Variants in GALNT17 observed in about 807,000 individuals in gnomAD.
The protein encoded by GALNT17 is UDP-GalNAc:polypeptide N-acetylgalactosaminyltransferase-like 3.
In GALNT17, 29 loss-of-function variants were observed where a neutral mutation model predicts 63.7. The observed-to-expected ratio is 0.46, with a 90% confidence interval of 0.34 to 0.62. The LOEUF is 0.62. GALNT17 is among the 20% of genes least tolerant of loss of function. The probability of loss-of-function intolerance (pLI) is 0.01; values close to 1 mark genes in which losing one functional copy is unlikely to be tolerated. For missense variants in GALNT17, 603 were observed against 799.6 expected, an observed-to-expected ratio of 0.75 and a Z score of 2.97; for synonymous variants, 305 against 318.3, an observed-to-expected ratio of 0.96 and a Z score of 0.45.
intron 5 of GALNT17, among the ~76,000 whole-genome samples, chr7:71,533,586 C>T (rs992693679): frequency 1.3e-5 from 2 of 152,146 alleles, no homozygotes; most frequent in Non-Finnish European, 2.9e-5. Flanking sequence ...TGGAAGCTTC[C>T]TTCATGGAAT....
intron 5 of GALNT17, among the ~76,000 whole-genome samples, chr7:71,568,852 G>A (rs567867665): frequency 1.3e-5 from 2 of 152,272 alleles, no homozygotes; most frequent in East Asian, 3.9e-4. Context: ...AATTTACAAT[G>A]CATGGTCCCA....
intron 5 of GALNT17, among the ~76,000 whole-genome samples, chr7:71,569,332 A>G (rs62461661): frequency 0.026 from 3,938 of 152,214 alleles, 65 homozygotes; most frequent in Middle Eastern, 0.085. Flanking sequence ...TTACATGGGT[A>G]TATTGAGTGA....
intron 6 of GALNT17, among the ~76,000 whole-genome samples, chr7:71,614,881 AAGGGAGGGAGGG>A (rs557178612): frequency 1.8e-4 from 22 of 125,394 alleles, no homozygotes; most frequent in Admixed American, 3.3e-4. Flanking sequence ...ACAGGGAGGG[AAGGGAGGGAGGG>A]AGGGAGGGAG....
chr7:71,141,992 G>A (rs1178246374), intron 1 of GALNT17, among the ~76,000 whole-genome samples: 1 of 147,300 alleles, frequency 6.8e-6, no homozygotes, highest in Non-Finnish European at 1.5e-5. Context: ...GGGATTTCAG[G>A]CATGAGCCAC....
chr7:71,184,942 T>TA (rs1788809923), intron 1 of GALNT17, among the ~76,000 whole-genome samples: 4 of 16,376 alleles, frequency 2.4e-4, no homozygotes, highest in Middle Eastern at 0.038. Flanking sequence ...CTTCCTCACT[T>TA]CCTTCCTTCC....
At position 71,375,897 on chromosome 7, in the gene GALNT17, G is replaced by A. The variant is rs530728520; in HGVS notation, c.423-12338G>A. Among the ~76,000 whole-genome samples the A allele has an allele frequency of 2.6e-5, 4 of 152,252 alleles. No homozygotes were observed. In the East Asian group the frequency reaches 7.8e-4, roughly 30 times the overall value. On this transcript the variant is annotated intron_variant, in intron 2 of 10. Transcript: ENST00000333538. ...GTTCACGACCAGCCTGAACAACATG[G>A]TAAAACCCCGACTGTACTGAAACTT...
chr7:71,236,175 C>CT (rs1789886858), intron 1 of GALNT17, among the ~76,000 whole-genome samples: 1 of 150,012 alleles, frequency 6.7e-6, no homozygotes, highest in South Asian at 2.1e-4. Context: ...GAGTGAGACT[C>CT]TGTCTCAAAA....
intron 1 of GALNT17, among the ~76,000 whole-genome samples, chr7:71,282,111 A>G (rs116741609): frequency 1.4e-4 from 22 of 152,252 alleles, no homozygotes; most frequent in African/African-American, 4.8e-4. Context: ...CAAATCCTAC[A>G]AGCATCCACA....
At chr7:71,382,130 A>G (rs1325080358) in intron 2 of GALNT17, among the ~76,000 whole-genome samples, 1 of 152,160 alleles carries the variant, frequency 6.6e-6, no homozygotes, top group African/African-American at 2.4e-5. Flanking sequence ...CTGTAATCCT[A>G]GCACTTTGGG....
intron 1 of GALNT17, among the ~76,000 whole-genome samples, chr7:71,217,297 AACTT>A (rs1789503243): frequency 6.7e-6 from 1 of 149,744 alleles, no homozygotes; most frequent in Non-Finnish European, 1.5e-5. Context: ...TCTTTTTTTT[AACTT>A]TGTATTTTTG....
At chr7:71,532,570 C>A (rs1165893553) in intron 5 of GALNT17, among the ~76,000 whole-genome samples, 1 of 152,144 alleles carries the variant, frequency 6.6e-6, no homozygotes, top group African/African-American at 2.4e-5. Flanking sequence ...ACTGCAGTCA[C>A]CCCAGCTAGG....
intron 1 of GALNT17, among the ~76,000 whole-genome samples, chr7:71,230,057 C>T (rs1042825095): frequency 1.3e-5 from 2 of 151,852 alleles, no homozygotes; most frequent in Non-Finnish European, 2.9e-5. Flanking sequence ...GAGAATAGGC[C>T]CAGTGAGTAT....
intron 5 of GALNT17, among the ~76,000 whole-genome samples, chr7:71,524,268 A>T (rs550600734): frequency 6.8e-6 from 1 of 147,668 alleles, no homozygotes; most frequent in African/African-American, 2.5e-5. Context: ...TATTATATAT[A>T]ATTATATATT....
At chr7:71,137,361 G>C (rs560703503) in intron 1 of GALNT17, among the ~76,000 whole-genome samples, 1 of 150,682 alleles carries the variant, frequency 6.6e-6, no homozygotes, top group African/African-American at 2.4e-5. Context: ...GGATGGTCTC[G>C]ATCTCCTGAC....
intron 7 of GALNT17, among the ~76,000 whole-genome samples, chr7:71,666,413 A>AT (rs974444689): frequency 9.3e-5 from 14 of 150,664 alleles, no homozygotes; most frequent in African/African-American, 3.4e-4. Flanking sequence ...TTTTAATTTT[A>AT]TTTTTCTATT....
intron 5 of GALNT17, among the ~76,000 whole-genome samples, chr7:71,544,779 T>C (rs1788954328): frequency 6.6e-6 from 1 of 152,080 alleles, no homozygotes; most frequent in East Asian, 1.9e-4. Flanking sequence ...GAAGATTCCA[T>C]CTCATTTTCA....
chr7:71,436,336 G>C (rs1786962890), intron 5 of GALNT17, among the ~76,000 whole-genome samples: 1 of 152,004 alleles, frequency 6.6e-6, no homozygotes, highest in African/African-American at 2.4e-5. Context: ...GTGAAACCCT[G>C]TCTCTAAAAG....
intron 2 of GALNT17, among the ~76,000 whole-genome samples, chr7:71,369,275 C>T (rs553246310): frequency 7.2e-5 from 11 of 152,278 alleles, no homozygotes. Context: ...TTAGTGGTCC[C>T]TGACCTCATG....
intron 1 of GALNT17, among the ~76,000 whole-genome samples, chr7:71,281,321 A>G (rs1790773728): frequency 6.6e-6 from 1 of 152,234 alleles, no homozygotes; most frequent in African/African-American, 2.4e-5. Flanking sequence ...AACCTGGCTA[A>G]CATAGTGAGA....
Sources: allele counts gnomAD v4.1 joint callset (sites outside exome capture counted in the v4.1 genomes callset), GRCh38; gene constraint gnomAD v4.1.1; transcripts MANE v1.5; gene names NCBI Gene and HGNC (gene_info 2026-07-23, HGNC 2026-07-21).